Variants in NAV2 observed in about 807,000 individuals in gnomAD.
NAV2 encodes the protein helicase, APC down-regulated 1.
In NAV2, 54 loss-of-function variants were observed where a neutral mutation model predicts 223.2. The ratio of observed to expected loss-of-function variants is 0.24; its 90% CI spans 0.19 to 0.30. NAV2 has a LOEUF of 0.30. Ranked by LOEUF, NAV2 falls within the 10% of genes least tolerant of loss-of-function variation. The pLI, the probability that NAV2 is intolerant of heterozygous loss-of-function variation, is 1.00. For missense variants in NAV2, 2,806 were observed against 3,147.5 expected, an observed-to-expected ratio of 0.89 and a Z score of 2.60; for synonymous variants, 1,279 against 1,239.3, an observed-to-expected ratio of 1.03 and a Z score of -0.67.
intron 2 of NAV2, 39 bp downstream of exon 2, chr11:19,832,640 T>C: frequency 6.5e-7 from 1 of 1,544,022 alleles, no homozygotes; most frequent in South Asian, 1.1e-5. Context: ...TGAGTTACAG[T>C]GGAGCCATCT....
rs184403862 is a variant in NAV2 at position 19,786,622 on chromosome 11, T to C, written c.268-45862T>C. ...GCCAGGTCAGATTAGATACAGCTTC[T>C]CCTGTGGGAGAGTGACTTGGGTGTG... is the stretch of plus-strand genomic sequence containing the variant. On this transcript the variant is annotated intron_variant, in intron 1 of 37. Coordinates refer to ENST00000349880, the MANE Select transcript of NAV2 (RefSeq NM_145117.5). 3.4e-3 allele frequency among the ~76,000 whole-genome samples: 516 copies of C among 152,312 alleles called. 1 individual carries two copies. The highest frequency in any genetic ancestry group is 0.012 in the African/African-American group (500 of 41,556).
At chr11:20,068,422 G>A (rs746874183) in intron 22 of NAV2, 24 bp downstream of exon 22, 2 of 1,585,640 alleles carry the variant, frequency 1.3e-6, no homozygotes, top group Admixed American at 3.3e-5. Flanking sequence ...TAGGGCAGTA[G>A]CATCGGGACA....
chr11:19,585,907 C>T (rs563110947), intron 1 of NAV2, among the ~76,000 whole-genome samples: 1 of 152,070 alleles, frequency 6.6e-6, no homozygotes, highest in African/African-American at 2.4e-5. Context: ...TCTGTATTTC[C>T]TGAATTTGAA....
chr11:19,726,796 T>C (rs2051292638), intron 1 of NAV2, among the ~76,000 whole-genome samples: 1 of 152,206 alleles, frequency 6.6e-6, no homozygotes, highest in Non-Finnish European at 1.5e-5. Flanking sequence ...TCAACATCTG[T>C]ATTTTAATAA....
intron 26 of NAV2, among the ~76,000 whole-genome samples, chr11:20,086,625 G>A (rs1055374008): frequency 1.3e-5 from 2 of 152,120 alleles, no homozygotes; most frequent in Admixed American, 6.5e-5. Context: ...GGTAAGTACT[G>A]TATTGGTTTT....
At chr11:19,624,323 A>T (rs1033893460) in intron 1 of NAV2, among the ~76,000 whole-genome samples, 1 of 152,146 alleles carries the variant, frequency 6.6e-6, no homozygotes, top group Non-Finnish European at 1.5e-5. Flanking sequence ...AGTCTGCAGA[A>T]GTTTCTGCTG....
chr11:19,346,716 T>C (rs1488598056), upstream of NAV2, among the ~76,000 whole-genome samples: 1 of 152,214 alleles, frequency 6.6e-6, no homozygotes, highest in African/African-American at 2.4e-5. Flanking sequence ...CCCCTGTGGC[T>C]TAGCAGAAGT....
At chr11:19,692,211 G>A (rs746351879) in intron 1 of NAV2, among the ~76,000 whole-genome samples, 11 of 152,248 alleles carry the variant, frequency 7.2e-5, no homozygotes, top group Non-Finnish European at 1.2e-4. Flanking sequence ...CACCACCGGG[G>A]TTGCGGGTGT....
At chr11:19,563,647 G>A (rs897156661) in intron 1 of NAV2, among the ~76,000 whole-genome samples, 3 of 152,110 alleles carry the variant, frequency 2.0e-5, no homozygotes. Flanking sequence ...TGAATCCCGG[G>A]TCTATGGGGC....
chr11:19,892,383 CTG>C (rs1176556609), intron 5 of NAV2, 49 bp from the exon 6 acceptor site: 6 of 1,571,840 alleles, frequency 3.8e-6, no homozygotes, highest in Non-Finnish European at 5.2e-6. Flanking sequence ...TTCCTACACA[CTG>C]TTATTCTTCT....
At chr11:19,359,489 T>A (rs1413445643) in intron 1 of NAV2, among the ~76,000 whole-genome samples, 3 of 152,182 alleles carry the variant, frequency 2.0e-5, no homozygotes, top group Non-Finnish European at 4.4e-5. Flanking sequence ...GGGGATGTAC[T>A]GAATAAATCA....
At chr11:19,350,812 C>G in exon 1 of NAV2, 1 of 776,296 alleles carries the variant, frequency 1.3e-6, no homozygotes, top group Non-Finnish European at 2.2e-6. Context: ...ACAGGAAGAC[C>G]TTTGAAGAGG....
chr11:20,018,866 C>T (rs988391329), intron 11 of NAV2, among the ~76,000 whole-genome samples: 2 of 152,058 alleles, frequency 1.3e-5, no homozygotes, highest in Admixed American at 6.5e-5. Flanking sequence ...ACATCTGACC[C>T]GTGAGAAGTG....
At chr11:19,379,416 AAAATTTCAAGTGAAATTCAG>A (rs1848758053) in intron 1 of NAV2, among the ~76,000 whole-genome samples, 2 of 152,216 alleles carry the variant, frequency 1.3e-5, no homozygotes, top group African/African-American at 4.8e-5. Context: ...AGAAGTAGGG[AAAATTTCAAGTGAAATTCAG>A]AAGACATTCA....
chr11:19,785,381 G>T (rs1451179601), intron 1 of NAV2, among the ~76,000 whole-genome samples: 1 of 152,162 alleles, frequency 6.6e-6, no homozygotes, highest in East Asian at 1.9e-4. Context: ...AATTCCACCT[G>T]GAAAAGCCAT....
intron 10 of NAV2, among the ~76,000 whole-genome samples, chr11:19,955,129 G>T (rs187391297): frequency 1.3e-5 from 2 of 152,200 alleles, no homozygotes; most frequent in African/African-American, 2.4e-5. Context: ...TTTGTTGGCT[G>T]GGCATGGTGA....
chr11:19,664,966 C>T (rs189205036), intron 1 of NAV2, among the ~76,000 whole-genome samples: 160 of 152,342 alleles, frequency 1.1e-3, no homozygotes, highest in African/African-American at 3.4e-3. Flanking sequence ...AAGTAACTTG[C>T]TCATGTCACA....
chr11:19,782,406 T>G (rs1231775143), intron 1 of NAV2, among the ~76,000 whole-genome samples: 1 of 152,206 alleles, frequency 6.6e-6, no homozygotes, highest in Non-Finnish European at 1.5e-5. Context: ...AGGTAACACA[T>G]TTTCCTTCAT....
In NAV2 at chr11:20,062,394, T is replaced by C. The variant is rs1309557194; in HGVS notation, c.4884+35T>C. 19 of 1,538,142 alleles carry C rather than the reference T, an allele frequency of 1.2e-5. No homozygotes were observed. In the Admixed American group the frequency reaches 2.7e-4, roughly 22 times the overall value. Reference sequence around the variant, plus strand: ...AATCAATGCTGTGTGGCTGTGATCATGAGAACTGGGGTTCCTTTATCAAAT... The same window carrying C: ...AATCAATGCTGTGTGGCTGTGATCACGAGAACTGGGGTTCCTTTATCAAAT... On this transcript the variant is annotated intron_variant, in intron 20 of 37. Coordinates refer to ENST00000349880, the MANE Select transcript of NAV2 (RefSeq NM_145117.5).
Sources: gnomAD v4.1 joint callset for allele counts (sites outside exome capture counted in the v4.1 genomes callset) on GRCh38, gnomAD v4.1.1 for gene constraint, MANE v1.5 for transcripts, NCBI Gene and HGNC (gene_info 2026-07-23, HGNC 2026-07-21) for gene names.